Variants in MYO15A observed in about 807,000 individuals in gnomAD.
MYO15A encodes the protein myosin XVA.
A neutral mutation model predicts 394.6 loss-of-function variants in MYO15A; 308 were observed. The ratio of observed to expected loss-of-function variants is 0.78; its 90% CI spans 0.71 to 0.86. The LOEUF is 0.86. Ranked by LOEUF, MYO15A falls within the 40% of genes least tolerant of loss-of-function variation. The pLI, the probability that MYO15A is intolerant of heterozygous loss-of-function variation, is 0.00. For synonymous variants in MYO15A, 1,957 were observed against 2,003.8 expected (o/e 0.98, Z 0.62); for missense variants, 4,606 against 4,799.1 (o/e 0.96, Z 1.19).
At chr17:18,154,539 CACAGATGACCCAGCTT>C in intron 44 of MYO15A, 125 bp from the exon 45 acceptor site, 1 of 863,816 alleles carries the variant, frequency 1.2e-6, no homozygotes, top group Non-Finnish European at 1.9e-6. Context: ...ATCTGATTTA[CACAGATGACCCAGCTT>C]ACAGATGACC....
rs369074496 is a variant in MYO15A at position 18,150,460 on chromosome 17, G to T, written c.7244G>T (p.Arg2415Leu). Residue 2415 changes from arginine (R) to leucine (L), a missense_variant, in exon 36 of 66, where the codon CGC becomes CTC. Physicochemically the swap from Arg to Leu is moderately radical, Grantham distance 102. Coordinates refer to ENST00000647165, the MANE Select transcript of MYO15A (RefSeq NM_016239.4). The surrounding 1 kb of genome is among the most constrained non-coding windows in gnomAD (Gnocchi z 4.4). ...GAGAAGCCAACAGCCATTGCCTACCGCATGAAAGGGGGAGGCCAGCCCGGT... is the reference window on the plus strand; with the variant it reads ...GAGAAGCCAACAGCCATTGCCTACCTCATGAAAGGGGGAGGCCAGCCCGGT... ...DLEKPTAIAY[R>L]MKGGGQPGGG... The T allele has an allele frequency of 7.4e-6, 12 of 1,614,122 alleles. No individual in the cohort carries two copies. The highest frequency in any genetic ancestry group is 9.3e-6 in the Non-Finnish European group (11 of 1,179,992).
In MYO15A at chr17:18,143,775, G is replaced by A. The variant is rs1321653452; in HGVS notation, c.6025G>A (p.Gly2009Arg). Residue 2009 changes from glycine (G) to arginine (R), a missense_variant, in exon 27 of 66, where the codon GGG (glycine) becomes AGG (arginine). Gly to Arg is a moderately radical substitution (Grantham distance 125). Transcript: ENST00000647165. ...GHLEVPAELA[G>R]LLQAVAGLGL... ...CCTGGAGGTACCGGCTGAGCTGGCT[G>A]GGCTCTTGCAAGCAGTGGCAGGTGG... 2.5e-6 allele frequency: 4 copies of A among 1,591,802 alleles called. No individual in the cohort carries two copies. In the African/African-American group the frequency reaches 4.0e-5, roughly 16 times the overall value.
At position 18,115,077 on chromosome 17, in the gene MYO15A, G is replaced by A. The variant is rs2142227107; in HGVS notation, c.-219-3505G>A. Among the ~76,000 whole-genome samples the A allele has an allele frequency of 1.3e-5, 2 of 152,128 alleles. 1 individual carries two copies. Among genetic ancestry groups the A allele is most frequent in the South Asian group, 4.1e-4 (2 of 4,820 alleles). ...TCCTCATCCTGGCCAATGACCTGAC[G>A]GCCTCTCCATTCTCCCTGATGTTCA... On this transcript the variant is annotated intron_variant, in intron 1 of 65. Coordinates refer to ENST00000647165, the MANE Select transcript of MYO15A (RefSeq NM_016239.4).
intron 24 of MYO15A, 53 bp downstream of exon 24, chr17:18,142,307 G>A (rs1231383129): frequency 9.5e-6 from 15 of 1,579,938 alleles, no homozygotes; most frequent in Non-Finnish European, 1.3e-5. Context: ...AGGCTCGGGA[G>A]AGGTCACGCC....
chr17:18,149,437 G>A, intron 34 of MYO15A, 49 bp from the exon 35 acceptor site: 9 of 1,613,976 alleles, frequency 5.6e-6, no homozygotes, highest in South Asian at 1.1e-5. Context: ...GTGTGGGGTG[G>A]AAATCATCAA....
Position 18,138,870 on chromosome 17 carries a change from T to C in MYO15A, c.5067T>C (p.Tyr1689=), listed in dbSNP as rs1040776353. The change falls in exon 18 of 66, where the codon TAT becomes TAC. Residue 1689 remains tyrosine, a synonymous_variant. Transcript: ENST00000647165. ...CHYHHGANPL[Y]SKPKMPLPEF... ...ACCATCATGGCGCCAACCCGCTCTA[T>C]TCCAAACCCAAGATGCCGCTGCCTG... 6.2e-6 allele frequency: 10 copies of C among 1,613,718 alleles called. No homozygotes were observed. Among genetic ancestry groups the C allele is most frequent in the Non-Finnish European group, 8.5e-6 (10 of 1,179,868 alleles).
At chr17:18,131,633 AATGAACGAATAC>A (rs2046168527) in intron 10 of MYO15A, 102 bp downstream of exon 10, 2 of 1,367,258 alleles carry the variant, frequency 1.5e-6, no homozygotes, top group African/African-American at 2.9e-5. Context: ...ACGTCAAATT[AATGAACGAATAC>A]ATGCGTACAT....
At position 18,141,687 on chromosome 17, in the gene MYO15A, C is replaced by A; in HGVS notation, c.5566C>A (p.Pro1856Thr). The A allele has an allele frequency of 6.2e-7, 1 of 1,614,106 alleles. No individual in the cohort carries two copies. Among genetic ancestry groups the A allele is most frequent in the Non-Finnish European group, 8.5e-7 (1 of 1,180,024 alleles). The change falls in exon 23 of 66, where the codon CCG becomes ACG. Residue 1856 changes from proline (P) to threonine (T), a missense_variant. Transcript: ENST00000647165. ...CCLVALKHDLPANGDMCVSVL... is the reference protein window; with the variant it reads ...CCLVALKHDLTANGDMCVSVL... ...TCTAGTGGCCCTCAAGCATGACCTG[C>A]CGGCTAATGGGGACATGTGTGTGTC...
chr17:18,152,635 G>A (rs2142373620), intron 42 of MYO15A, among the ~76,000 whole-genome samples: 1 of 152,240 alleles, frequency 6.6e-6, no homozygotes, highest in South Asian at 2.1e-4. Context: ...ACCCTCTGAT[G>A]GCTCCTACAA....
intron 12 of MYO15A, among the ~76,000 whole-genome samples, chr17:18,134,045 A>G (rs951159629): frequency 1.3e-5 from 2 of 151,632 alleles, no homozygotes; most frequent in Non-Finnish European, 2.9e-5. Context: ...GCTGGAGTGC[A>G]GTGGCGCAAT....
chr17:18,113,797 G>GACACACACACACACACACACAC (rs4025536), intron 1 of MYO15A, among the ~76,000 whole-genome samples: 2 of 138,918 alleles, frequency 1.4e-5, no homozygotes, highest in African/African-American at 2.8e-5. Flanking sequence ...CACCTCCCCT[G>GACACACACACACACACACACAC]ACACACACAC....
At chr17:18,116,801 T>C (rs1461272482) in intron 1 of MYO15A, among the ~76,000 whole-genome samples, 1 of 151,674 alleles carries the variant, frequency 6.6e-6, no homozygotes, top group East Asian at 1.9e-4. Flanking sequence ...ATGCCTGTAA[T>C]CCAAGATATT....
At position 18,154,111 on chromosome 17, in the gene MYO15A, C is replaced by A; in HGVS notation, c.8089-20C>A. On this transcript the variant is annotated intron_variant, in intron 43 of 65. Coordinates refer to ENST00000647165, the MANE Select transcript of MYO15A (RefSeq NM_016239.4). ...CCAGGGGGCAGTCGGACAGTACCCA[C>A]TGAAGCCCCGCCCCTGCAGGTGTTT... is the stretch of plus-strand genomic sequence containing the variant. The A allele has an allele frequency of 1.9e-6, 3 of 1,613,804 alleles. No individual in the cohort carries two copies. The highest frequency in any genetic ancestry group is 2.5e-6 in the Non-Finnish European group (3 of 1,179,992).
rs1391507384 is a variant in MYO15A, at chr17:18,120,151, C to G, written c.1351C>G (p.Arg451Gly). The G allele has an allele frequency of 6.2e-7, 1 of 1,612,932 alleles. No homozygotes were observed. Among genetic ancestry groups the G allele is most frequent in the Admixed American group, 1.7e-5 (1 of 60,026 alleles). ...CGTAGAGCGTCAGGGGACCTCCTTC[C>G]GCCTGCCCAGCGCCGCCTTCTTCGA... is the stretch of plus-strand genomic sequence containing the variant. ...AGVERQGTSF[R>G]LPSAAFFEQQ... Residue 451 changes from arginine (R) to glycine (G), a missense_variant, in exon 2 of 66, where the codon CGC becomes GGC. Transcript: ENST00000647165.
Position 18,155,419 on chromosome 17 carries a change from C to T in MYO15A, c.8446C>T (p.Leu2816=). The T allele has an allele frequency of 6.2e-7, 1 of 1,613,286 alleles. No individual in the cohort carries two copies. Among genetic ancestry groups the T allele is most frequent in the Non-Finnish European group, 8.5e-7 (1 of 1,179,988 alleles). ...GQEAGGQLRV[L]RAYSFADILF... is the part of the protein sequence containing the mutation. ...GGAGGCCGGCGGGCAGCTGCGGGTC[C>T]TGCGTGCATACAGGTGACCAGCAGG... Residue 2816 remains leucine, a synonymous_variant, in exon 47 of 66, where the codon CTG becomes TTG. Coordinates refer to ENST00000647165, the MANE Select transcript of MYO15A (RefSeq NM_016239.4).
chr17:18,130,681 T>G, intron 7 of MYO15A, 124 bp from the exon 8 acceptor site: 2 of 1,546,364 alleles, frequency 1.3e-6, no homozygotes, highest in Non-Finnish European at 1.8e-6. Flanking sequence ...GCCTCACAGG[T>G]TTTTACTAGT....
rs2046181053 is a variant in MYO15A, at chr17:18,132,273, T to C, written c.4207-180T>C. ...TTCAATCATACCAGGGCACCTCTGC[T>C]TCTGCCCTCACCCGCAGCTGGCACC... On this transcript the variant is annotated intron_variant, in intron 10 of 65. Transcript: ENST00000647165. The surrounding 1 kb of genome is among the most constrained non-coding windows in gnomAD (Gnocchi z 4.6). 2.0e-5 allele frequency among the ~76,000 whole-genome samples: 3 copies of C among 152,244 alleles called. No homozygotes were observed. Among genetic ancestry groups the C allele is most frequent in the Non-Finnish European group, 4.4e-5 (3 of 68,034 alleles).
At chr17:18,171,279 C>T (rs2046936593) in intron 62 of MYO15A, among the ~76,000 whole-genome samples, 1 of 152,178 alleles carries the variant, frequency 6.6e-6, no homozygotes, top group Non-Finnish European at 1.5e-5. Flanking sequence ...TTTTGCTTCT[C>T]CTTGGGGGCA....
chr17:18,131,694 C>T (rs1343848756), intron 10 of MYO15A, among the ~76,000 whole-genome samples, 163 bp downstream of exon 10: 1 of 152,096 alleles, frequency 6.6e-6, no homozygotes. Context: ...CCCCGACCCT[C>T]CTCCAGCCAC....
Sources: allele counts gnomAD v4.1 joint callset (sites outside exome capture counted in the v4.1 genomes callset), GRCh38; gene constraint gnomAD v4.1.1; non-coding constraint Gnocchi (gnomAD v3.1); transcripts MANE v1.5; gene names NCBI Gene and HGNC (gene_info 2026-07-23, HGNC 2026-07-21).